NLGN1: variants seen among roughly 807,000 people sequenced by gnomAD.
NLGN1 encodes the protein neuroligin-1.
NLGN1 carries 12 observed loss-of-function variants against 65.5 expected under a neutral mutation model. The observed-to-expected ratio is 0.18, with a 90% CI of 0.12 to 0.30. The LOEUF (loss-of-function observed/expected upper bound fraction) is 0.30, where lower values mean the gene tolerates loss of function less well. NLGN1 is among the 10% of genes least tolerant of loss of function. The probability of loss-of-function intolerance (pLI) is 1.00; values close to 1 mark genes in which losing one functional copy is unlikely to be tolerated. For missense variants in NLGN1, 750 were observed against 1,007.1 expected (o/e 0.74, Z 3.46); for synonymous variants, 350 against 359.5 (o/e 0.97, Z 0.30).
At chr3:174,013,801 C>T (rs1336538974) in intron 4 of NLGN1, among the ~76,000 whole-genome samples, 4 of 152,202 alleles carry the variant, frequency 2.6e-5, no homozygotes, top group African/African-American at 7.2e-5. Context: ...GCCGCAGCCT[C>T]AACATGCTGG....
chr3:173,976,268 A>G (rs534058043), intron 4 of NLGN1, among the ~76,000 whole-genome samples: 9 of 152,184 alleles, frequency 5.9e-5, no homozygotes, highest in African/African-American at 2.2e-4. Context: ...TGGCTATAGG[A>G]TAAACTATTC....
chr3:173,540,022 T>C (rs1738563164), intron 2 of NLGN1, among the ~76,000 whole-genome samples: 1 of 151,688 alleles, frequency 6.6e-6, no homozygotes, highest in South Asian at 2.1e-4. Context: ...CAGTTTATGA[T>C]GGGCAGCTCA....
At chr3:173,427,423 T>C (rs1237604929) in intron 1 of NLGN1, among the ~76,000 whole-genome samples, 1 of 151,966 alleles carries the variant, frequency 6.6e-6, no homozygotes, top group African/African-American at 2.4e-5. Context: ...AGAAGTCTTT[T>C]TTCTTTTTCA....
intron 4 of NLGN1, among the ~76,000 whole-genome samples, chr3:173,989,468 A>C (rs986662070): frequency 6.6e-6 from 1 of 152,124 alleles, no homozygotes; most frequent in Non-Finnish European, 1.5e-5. Context: ...CTATACTTCC[A>C]TGTCTGAGAA....
intron 2 of NLGN1, among the ~76,000 whole-genome samples, chr3:173,535,267 T>C (rs1737242300): frequency 6.6e-6 from 1 of 152,224 alleles, no homozygotes; most frequent in African/African-American, 2.4e-5. Flanking sequence ...AGCTATGAAA[T>C]ATAGTGTTCC....
intron 4 of NLGN1, among the ~76,000 whole-genome samples, chr3:173,830,011 G>T (rs6802244): frequency 2.3e-4 from 9 of 39,556 alleles, no homozygotes; most frequent in South Asian, 7.1e-4. Flanking sequence ...GTAGTGTGGG[G>T]GGGGGAGGGA....
intron 2 of NLGN1, among the ~76,000 whole-genome samples, chr3:173,451,332 C>A (rs1189803810): frequency 6.6e-6 from 1 of 152,188 alleles, no homozygotes; most frequent in Admixed American, 6.5e-5. Context: ...GCACTCCAGA[C>A]CCTGTTTGCC....
chr3:174,144,189 G>C (rs896746897), intron 4 of NLGN1, among the ~76,000 whole-genome samples: 4 of 152,076 alleles, frequency 2.6e-5, no homozygotes, highest in African/African-American at 9.7e-5. Flanking sequence ...TCCTGTGTTA[G>C]TTTGCTGAGA....
chr3:174,038,019 A>G lies in NLGN1; in HGVS notation c.646+230187A>G, dbSNP rs78796015. On this transcript the variant is annotated intron_variant, in intron 4 of 6. Coordinates refer to ENST00000457714, the Ensembl canonical transcript of NLGN1. ...AAATATATTGAATGAATTTTATGAT[A>G]CAAATACATTCGCAAATATGGAAAA... is the stretch of plus-strand genomic sequence containing the variant. Among the ~76,000 whole-genome samples the G allele has an allele frequency of 2.6e-3, 396 of 152,304 alleles. 2 individuals are homozygous for G. Among genetic ancestry groups the G allele is most frequent in the African/African-American group, 8.9e-3 (370 of 41,578 alleles).
chr3:173,970,219 T>C (rs994736058), intron 4 of NLGN1, among the ~76,000 whole-genome samples: 8 of 152,176 alleles, frequency 5.3e-5, no homozygotes, highest in Non-Finnish European at 7.4e-5. Flanking sequence ...TGCTAAAGAC[T>C]AACAAAGCAT....
chr3:173,492,892 A>C (rs1729413982), intron 2 of NLGN1, among the ~76,000 whole-genome samples: 1 of 151,768 alleles, frequency 6.6e-6, no homozygotes, highest in Non-Finnish European at 1.5e-5. Context: ...CCAATGTTCT[A>C]ACTTGGGAAA....
At chr3:173,881,588 C>CT (rs1733317845) in intron 4 of NLGN1, among the ~76,000 whole-genome samples, 1 of 151,726 alleles carries the variant, frequency 6.6e-6, no homozygotes, top group African/African-American at 2.4e-5. Context: ...CCACGCCTGG[C>CT]TAATTTTTTG....
At position 174,273,928 on chromosome 3, in the gene NLGN1, C is replaced by CTGAT. The variant is rs1216604044; in HGVS notation, c.647-1386_647-1383dup. On this transcript the variant is annotated intron_variant, in intron 4 of 6. Transcript: ENST00000457714. ...TTTGGTTATGGATTTATTTGCTAAC[C>CTGAT]TGATAGGTAGTGTTATCATGGTTTT... Among the ~76,000 whole-genome samples the CTGAT allele has an allele frequency of 4.7e-5, 7 of 150,202 alleles. No homozygotes were observed. The East Asian group carries it at 7.8e-4, about 17-fold the overall frequency.
intron 1 of NLGN1, among the ~76,000 whole-genome samples, chr3:173,431,564 T>C (rs562753728): frequency 6.6e-6 from 1 of 152,310 alleles, no homozygotes; most frequent in South Asian, 2.1e-4. Context: ...ATATGTACTT[T>C]AATTTTTAGA....
Position 173,812,737 on chromosome 3 carries a change from C to G in NLGN1, c.646+4905C>G. Among the ~76,000 whole-genome samples, 2 of 138,030 alleles carry G rather than the reference C, an allele frequency of 1.4e-5. 1 individual carries two copies. The highest frequency in any genetic ancestry group is 4.6e-4 in the South Asian group (2 of 4,338). The allele number at this position is 138,030 out of a possible 152,430, so 90.6% of individuals were successfully genotyped here. On this transcript the variant is annotated intron_variant, in intron 4 of 6. Transcript: ENST00000457714. ...GGTTGTGTGTATATACACGCACACA[C>G]ATACTATATATGTGTGTGCGTGTAT...
At chr3:173,576,488 C>T (rs978214495) in intron 2 of NLGN1, among the ~76,000 whole-genome samples, 2 of 152,150 alleles carry the variant, frequency 1.3e-5, no homozygotes, top group African/African-American at 4.8e-5. Flanking sequence ...CTAGAGACCA[C>T]CTGTTTTCCC....
intron 4 of NLGN1, among the ~76,000 whole-genome samples, chr3:173,964,663 A>G (rs1714388382): frequency 6.6e-6 from 1 of 152,208 alleles, no homozygotes; most frequent in African/African-American, 2.4e-5. Flanking sequence ...TGTATGAATC[A>G]AATGTAATTT....
chr3:173,971,637 A>G (rs949420604), intron 4 of NLGN1, among the ~76,000 whole-genome samples: 12 of 152,212 alleles, frequency 7.9e-5, no homozygotes, highest in Admixed American at 3.9e-4. Context: ...AAAGTAAGGC[A>G]TCAAACCACT....
chr3:173,849,183 C>CT (rs1395213149), intron 4 of NLGN1, among the ~76,000 whole-genome samples: 11 of 152,000 alleles, frequency 7.2e-5, no homozygotes, highest in African/African-American at 2.2e-4. Flanking sequence ...AGTGTTATAT[C>CT]TTTTCTTTTA....
Sources: allele counts gnomAD v4.1 joint callset (sites outside exome capture counted in the v4.1 genomes callset), GRCh38; gene constraint gnomAD v4.1.1; transcripts MANE v1.5; gene names NCBI Gene and HGNC (gene_info 2026-07-23, HGNC 2026-07-21).